Variants in CENPV observed in about 807,000 individuals in gnomAD.
CENPV encodes centromere protein V.
In CENPV, 15 loss-of-function variants were observed where a neutral mutation model predicts 26.4. That is an observed-to-expected ratio of 0.57 (90% CI 0.38 to 0.88). The LOEUF is 0.88. CENPV is among the 40% of genes least tolerant of loss of function. The pLI, the probability that CENPV is intolerant of heterozygous loss-of-function variation, is 0.00. For synonymous variants in CENPV, 172 were observed against 165.5 expected, an observed-to-expected ratio of 1.04 and a Z score of -0.30; for missense variants, 336 against 376.5, an observed-to-expected ratio of 0.89 and a Z score of 0.89.
intron 3 of CENPV, among the ~76,000 whole-genome samples, chr17:16,347,315 C>T (rs1161319321): frequency 1.3e-5 from 2 of 152,132 alleles, no homozygotes; most frequent in East Asian, 1.9e-4. Context: ...AATTGTGCTT[C>T]CTATAGAAAT....
chr17:16,348,544 CA>C (rs1302797600), intron 3 of CENPV, 71 bp downstream of exon 3: 11 of 1,600,202 alleles, frequency 6.9e-6, no homozygotes, highest in African/African-American at 1.3e-5. Context: ...GGCATGCTAA[CA>C]GTTGGGTGGG....
At chr17:16,347,922 A>C (rs2093214182) in intron 3 of CENPV, 1 of 152,234 alleles carries the variant, frequency 6.6e-6, no homozygotes, top group Non-Finnish European at 1.5e-5. Context: ...GCAGTTTATC[A>C]ACAAAAAGAA....
rs1456459000 is a variant in CENPV at position 16,345,281 on chromosome 17, AC to A, written c.580-571del. ...CGTCTCAAAAAAAAAAAAAAAAAAA[AC>A]ACCTTTGGCCAGGCATGGTGGCTCA... On this transcript the variant is annotated intron_variant, in intron 3 of 4. Transcript: ENST00000299736. Among the ~76,000 whole-genome samples the A allele has an allele frequency of 4.3e-4, 63 of 145,812 alleles. 1 individual carries two copies. In the South Asian group the frequency reaches 4.6e-3, roughly 11 times the overall value.
chr17:16,352,790 C>T (rs2093233495), intron 1 of CENPV, among the ~76,000 whole-genome samples: 1 of 152,060 alleles, frequency 6.6e-6, no homozygotes. Context: ...CCTCAAGCTC[C>T]GGACGAAGCC....
chr17:16,348,596 C>T lies in CENPV; in HGVS notation c.579+20G>A, dbSNP rs992840490. 3.1e-6 allele frequency: 5 copies of T among 1,613,888 alleles called. No homozygotes were observed. Among genetic ancestry groups the T allele is most frequent in the Non-Finnish European group, 4.2e-6 (5 of 1,179,848 alleles). ...CACCAATGGGTTCTGCACTCCTTGA[C>T]CCTGCTCTTAAGCACTGACCTTCAG... On this transcript the variant is annotated intron_variant, in intron 3 of 4. Coordinates refer to ENST00000299736, the MANE Select transcript of CENPV (RefSeq NM_181716.3).
chr17:16,345,095 C>G (rs920440229), intron 3 of CENPV, among the ~76,000 whole-genome samples: 3 of 151,476 alleles, frequency 2.0e-5, no homozygotes, highest in African/African-American at 4.8e-5. Flanking sequence ...TTTTATGTCA[C>G]TTAAAAAATA....
In CENPV at chr17:16,349,429, G is replaced by A. The variant is rs557096052; in HGVS notation, c.509+502C>T. On this transcript the variant is annotated intron_variant, in intron 2 of 4. Transcript: ENST00000299736. The stretch of plus-strand genomic sequence containing the variant: ...CCTGTCGTCCCTGCTCCATCATAAC[G>A]CCGGGGAAGGTGGTACAAATCAGGC... The A allele has an allele frequency of 1.2e-4, 114 of 986,072 alleles. 1 individual carries two copies. The African/African-American group carries it at 1.9e-3, about 16-fold the overall frequency. 61.1% of individuals were successfully genotyped at this position (986,072 alleles called of 1,614,324 possible).
intron 2 of CENPV, chr17:16,348,896 G>C: frequency 3.0e-6 from 4 of 1,352,994 alleles, no homozygotes; most frequent in Non-Finnish European, 3.8e-6. Flanking sequence ...AGCAGTCGAG[G>C]TTCTGCAATG....
rs753919797 is a variant in CENPV at position 16,353,154 on chromosome 17, T to TCGGCGG, written c.277_282dup (p.Pro93_Pro94dup). 5.3e-5 allele frequency: 77 copies of TCGGCGG among 1,466,094 alleles called. No individual in the cohort carries two copies. The highest frequency in any genetic ancestry group is 2.2e-4 in the Middle Eastern group (1 of 4,456). The allele number at this position is 1,466,094 out of a possible 1,614,324, so 90.8% of individuals were successfully genotyped here. A position where few individuals can be genotyped will look rare whatever the true frequency, so the allele number is the denominator to read the frequency against. Reference sequence around the variant, plus strand: ...GCCGAGGACGTCGGGGTCGCGGGAGTCGGCGGCGGCGGCGGCGGTGGCGGG... The same window carrying TCGGCGG: ...GCCGAGGACGTCGGGGTCGCGGGAGTCGGCGGCGGCGGCGGCGGCGGCGGTGGCGGG... On this transcript the variant is annotated inframe_insertion, in exon 1 of 5. Transcript: ENST00000299736.
At chr17:16,349,833 A>T in intron 2 of CENPV, 98 bp downstream of exon 2, 1 of 1,515,504 alleles carries the variant, frequency 6.6e-7, no homozygotes, top group Non-Finnish European at 8.8e-7. Context: ...CCCAAGGCCA[A>T]TGTTTCCTCT....
intron 2 of CENPV, 172 bp from the exon 3 acceptor site, chr17:16,348,857 T>C: frequency 7.1e-7 from 1 of 1,398,622 alleles, no homozygotes; most frequent in East Asian, 2.7e-5. Context: ...GGTTTGCAGG[T>C]ACAGCAGAGC....
chr17:16,342,746 G>A lies in CENPV; in HGVS notation c.*71C>T, dbSNP rs755968089. 9.4e-6 allele frequency: 15 copies of A among 1,596,232 alleles called. No homozygotes were observed. The highest frequency in any genetic ancestry group is 1.7e-5 in the Admixed American group (1 of 59,790). On this transcript the variant is annotated 3_prime_UTR_variant, in exon 5 of 5. Coordinates refer to ENST00000299736, the MANE Select transcript of CENPV (RefSeq NM_181716.3). ...GTCAGCCACATTCAGGAGCACCACC[G>A]AGGCACGGCAGGGAGAGCAAAGTTG...
chr17:16,343,002 C>T, intron 4 of CENPV, 61 bp from the exon 5 acceptor site: 1 of 1,599,318 alleles, frequency 6.3e-7, no homozygotes, highest in Non-Finnish European at 8.6e-7. Flanking sequence ...AGATGGTGTA[C>T]CGGCTCCTGG....
chr17:16,345,233 G>T (rs575400203), intron 3 of CENPV, among the ~76,000 whole-genome samples: 1 of 142,290 alleles, frequency 7.0e-6, no homozygotes, highest in South Asian at 2.3e-4. Context: ...CGGCACTCCA[G>T]CCTGGGCAAC....
At chr17:16,351,637 G>A (rs916610020) in intron 1 of CENPV, 11 of 152,030 alleles carry the variant, frequency 7.2e-5, no homozygotes, top group African/African-American at 2.4e-4. Context: ...ATATTTTAAC[G>A]AAAATGGTAC....
At chr17:16,352,090 C>T (rs759842925) in intron 1 of CENPV, among the ~76,000 whole-genome samples, 4 of 152,178 alleles carry the variant, frequency 2.6e-5, no homozygotes, top group Non-Finnish European at 5.9e-5. Context: ...AGAAGTAATT[C>T]TCAGGTTATG....
chr17:16,352,849 G>A (rs1219032461), intron 1 of CENPV, among the ~76,000 whole-genome samples, 178 bp downstream of exon 1: 1 of 151,900 alleles, frequency 6.6e-6, no homozygotes, highest in South Asian at 2.1e-4. Flanking sequence ...GCCCCGCCCC[G>A]CCGCCCTTAG....
intron 3 of CENPV, among the ~76,000 whole-genome samples, chr17:16,345,929 G>C (rs1208247691): frequency 6.6e-6 from 1 of 152,196 alleles, no homozygotes; most frequent in African/African-American, 2.4e-5. Context: ...AGACGTCATA[G>C]ACAGGCTAAT....
Position 16,353,089 on chromosome 17 carries a change from C to G in CENPV, c.348G>C (p.Glu116Asp). The G allele has an allele frequency of 6.4e-7, 1 of 1,571,722 alleles. No homozygotes were observed. The highest frequency in any genetic ancestry group is 8.6e-7 in the Non-Finnish European group (1 of 1,160,684). Reference sequence around the variant, plus strand: ...TAAGCTTCTGCCGCTTCTGGAACGTCTCCCAGCGCTCCCGCTGCTCGCCCA... The same window carrying G: ...TAAGCTTCTGCCGCTTCTGGAACGTGTCCCAGCGCTCCCGCTGCTCGCCCA... ...LDLGEQRERW[E>D]TFQKRQKLTS... The change falls in exon 1 of 5, where the codon GAG (glutamate) becomes GAC (aspartate). Residue 116 changes from glutamate to aspartate, a missense_variant. Transcript: ENST00000299736.
Sources: allele counts gnomAD v4.1 joint callset (sites outside exome capture counted in the v4.1 genomes callset), GRCh38; gene constraint gnomAD v4.1.1; transcripts MANE v1.5; gene names NCBI Gene and HGNC (gene_info 2026-07-23, HGNC 2026-07-21).